SV2B: variants seen among roughly 807,000 people sequenced by gnomAD.
SV2B encodes synaptic vesicle glycoprotein 2B.
SV2B carries 41 observed loss-of-function variants against 73.9 expected under a neutral mutation model. The ratio of observed to expected loss-of-function variants is 0.56; its 90% confidence interval spans 0.43 to 0.72. SV2B has a LOEUF of 0.72. SV2B is among the 30% of genes least tolerant of loss of function. SV2B has a pLI of 0.00. For missense variants in SV2B, 764 were observed against 857.8 expected (o/e 0.89, Z 1.37); for synonymous variants, 314 against 314.2 (o/e 1.00, Z 0.01).
At position 91,267,569 on chromosome 15, in the gene SV2B, C is replaced by G. The variant is rs1168496174; in HGVS notation, c.1134C>G (p.Ala378=). 1.5e-5 allele frequency: 24 copies of G among 1,613,122 alleles called. No homozygotes were observed. Among genetic ancestry groups the G allele is most frequent in the Non-Finnish European group, 2.0e-5 (24 of 1,179,658 alleles). The part of the protein sequence containing the change: ...KTIFKQVWDN[A]LYCVMGPYRM... ...ATGGGTTGTAGGTCTGGGATAATGC[C>G]CTGTACTGTGTGATGGGGCCCTACA... The change falls in exon 8 of 13, where the codon GCC becomes GCG. Residue 378 remains alanine, a synonymous_variant. Transcript: ENST00000394232. The surrounding 1 kb of genome is among the most constrained non-coding windows in gnomAD (Gnocchi z 4.3).
intron 1 of SV2B, among the ~76,000 whole-genome samples, chr15:91,145,337 GCATAGTATTC>G (rs1319598948): frequency 6.6e-6 from 1 of 152,166 alleles, no homozygotes; most frequent in Non-Finnish European, 1.5e-5. Flanking sequence ...TTTTATGGCT[GCATAGTATTC>G]CATGGTGTAC....
chr15:91,184,813 ACT>A (rs925140165), intron 1 of SV2B, among the ~76,000 whole-genome samples: 1 of 152,076 alleles, frequency 6.6e-6, no homozygotes, highest in Non-Finnish European at 1.5e-5. Context: ...TGGTTTAAAA[ACT>A]CTAAGTCAAA....
chr15:91,113,069 C>T (rs552845501), intron 1 of SV2B, among the ~76,000 whole-genome samples: 16 of 152,250 alleles, frequency 1.1e-4, no homozygotes, highest in Middle Eastern at 3.4e-3. Context: ...TGGCCTGAAG[C>T]GGTGCTCTCA....
intron 1 of SV2B, among the ~76,000 whole-genome samples, chr15:91,221,693 GCACACA>G (rs3082137): frequency 3.6e-5 from 5 of 140,064 alleles, no homozygotes; most frequent in African/African-American, 1.1e-4. Context: ...AAGCATGTGC[GCACACA>G]CACACACACA....
In SV2B at chr15:91,106,167, C is replaced by G. The variant is rs1443446893; in HGVS notation, c.-392+5804C>G. Reference sequence around the variant, plus strand: ...AAAAGATGACATAATGAATTTTGACCTAAGCAGCTGGATGGAGTAGCACTT... The same window carrying G: ...AAAAGATGACATAATGAATTTTGACGTAAGCAGCTGGATGGAGTAGCACTT... On this transcript the variant is annotated intron_variant, in intron 1 of 12. Transcript: ENST00000394232. This position sits in a 1 kb window ranked among gnomAD's most constrained non-coding sequence, Gnocchi z 4.4. Among the ~76,000 whole-genome samples the G allele has an allele frequency of 6.6e-6, 1 of 152,096 alleles. No homozygotes were observed. Among genetic ancestry groups the G allele is most frequent in the African/African-American group, 2.4e-5 (1 of 41,406 alleles).
Position 91,226,220 on chromosome 15 carries a change from G to A in SV2B, c.-44G>A. The A allele has an allele frequency of 6.3e-7, 1 of 1,589,776 alleles. No homozygotes were observed. The highest frequency in any genetic ancestry group is 8.6e-7 in the Non-Finnish European group (1 of 1,160,736). ...AGCCCAAACCTCTACCACAGAGCGA[G>A]GGATATAGCTCAAGGGGCAACCAGG... On this transcript the variant is annotated 5_prime_UTR_variant, in exon 2 of 13. Coordinates refer to ENST00000394232, the MANE Select transcript of SV2B (RefSeq NM_001323032.3).
rs547549601 is a variant in SV2B, at chr15:91,167,109, G to A, written c.-391-58764G>A. Among the ~76,000 whole-genome samples the A allele has an allele frequency of 1.1e-4, 16 of 152,118 alleles. No individual in the cohort carries two copies. In the East Asian group the frequency reaches 1.2e-3, roughly 11 times the overall value. The stretch of plus-strand genomic sequence containing the variant: ...ATTACAGGCGTGAGCCACCGCGCCC[G>A]GCCGTATAGTTTTTATTTCTGTGCT... On this transcript the variant is annotated intron_variant, in intron 1 of 12. Coordinates refer to ENST00000394232, the MANE Select transcript of SV2B (RefSeq NM_001323032.3).
chr15:91,167,056 G>A (rs939316418), intron 1 of SV2B, among the ~76,000 whole-genome samples: 9 of 151,938 alleles, frequency 5.9e-5, no homozygotes, highest in East Asian at 5.8e-4. Flanking sequence ...CTCGTGATCC[G>A]CCTGCCTTGG....
chr15:91,180,480 G>C (rs563672333), intron 1 of SV2B, among the ~76,000 whole-genome samples: 18 of 152,252 alleles, frequency 1.2e-4, no homozygotes, highest in Non-Finnish European at 2.6e-4. Context: ...ATAATATCCT[G>C]CAGAGTGTTT....
rs528958040 is a variant in SV2B at position 91,249,949 on chromosome 15, A to G, written c.452-1870A>G. On this transcript the variant is annotated intron_variant, in intron 2 of 12. Coordinates refer to ENST00000394232, the MANE Select transcript of SV2B (RefSeq NM_001323032.3). ...CTACCACACATTTAAAGAATAAGTAATGCCAACCTTTCTCAAACTCTTCCA... is the reference window on the plus strand; with the variant it reads ...CTACCACACATTTAAAGAATAAGTAGTGCCAACCTTTCTCAAACTCTTCCA... 8.1e-4 allele frequency among the ~76,000 whole-genome samples: 124 copies of G among 152,352 alleles called. 2 individuals are homozygous for G. The highest frequency in any genetic ancestry group is 2.9e-3 in the African/African-American group (121 of 41,586).
At chr15:91,199,348 A>G (rs2285529) in intron 1 of SV2B, among the ~76,000 whole-genome samples, 108,999 of 151,952 alleles carry the variant, frequency 0.72, 39,829 homozygotes, top group African/African-American at 0.86. Flanking sequence ...GGTCTAACAG[A>G]TAGAGTAACA....
rs373935085 is a variant in SV2B at position 91,245,677 on chromosome 15, G to A, written c.452-6142G>A. 1.6e-4 allele frequency among the ~76,000 whole-genome samples: 24 copies of A among 152,214 alleles called. No homozygotes were observed. Among genetic ancestry groups the A allele is most frequent in the East Asian group, 1.3e-3 (7 of 5,188 alleles). On this transcript the variant is annotated intron_variant, in intron 2 of 12. Transcript: ENST00000394232. The surrounding 1 kb of genome is among the most constrained non-coding windows in gnomAD (Gnocchi z 4.2). ...CAAGCAAAATCAACATGGTCCCTTC[G>A]TCCAGGAGTTTACAGTCACAGGAGT...
chr15:91,165,365 T>C (rs936455437), intron 1 of SV2B, among the ~76,000 whole-genome samples: 15 of 152,158 alleles, frequency 9.9e-5, no homozygotes, highest in Non-Finnish European at 2.1e-4. Flanking sequence ...GATGGTTGTA[T>C]CAGTATTGAA....
At chr15:91,161,862 T>C (rs1322976555) in intron 1 of SV2B, among the ~76,000 whole-genome samples, 1 of 152,234 alleles carries the variant, frequency 6.6e-6, no homozygotes, top group Non-Finnish European at 1.5e-5. Context: ...GTACTCTGTG[T>C]GTCTCTCACA....
intron 1 of SV2B, among the ~76,000 whole-genome samples, chr15:91,143,875 G>GT (rs1199454703): frequency 6.6e-6 from 1 of 152,180 alleles, no homozygotes; most frequent in Admixed American, 6.5e-5. Context: ...GAGCTGCACT[G>GT]TTTTTTTCTA....
At chr15:91,183,493 G>T (rs537979069) in intron 1 of SV2B, among the ~76,000 whole-genome samples, 2 of 152,174 alleles carry the variant, frequency 1.3e-5, no homozygotes, top group African/African-American at 4.8e-5. Flanking sequence ...TTGATATCCA[G>T]CTTAAGCTGC....
intron 2 of SV2B, among the ~76,000 whole-genome samples, chr15:91,233,409 G>A (rs556798908): frequency 7.1e-4 from 108 of 152,308 alleles, no homozygotes; most frequent in Non-Finnish European, 1.3e-3. Flanking sequence ...TTCAAATGCT[G>A]CATAAAGGAT....
In SV2B at chr15:91,283,941, C is replaced by A; in HGVS notation, c.1508-80C>A. The A allele has an allele frequency of 6.8e-7, 1 of 1,474,116 alleles. No homozygotes were observed. The highest frequency in any genetic ancestry group is 9.4e-7 in the Non-Finnish European group (1 of 1,062,158). The allele number at this position is 1,474,116 out of a possible 1,614,324, so 91.3% of individuals were successfully genotyped here. On this transcript the variant is annotated intron_variant, in intron 10 of 12. Transcript: ENST00000394232. This position sits in a 1 kb window ranked among gnomAD's most constrained non-coding sequence, Gnocchi z 4.3. ...GGCACAGCCTGCCTACAGGAGGGGG[C>A]AGACTTCATCCCTGCCTCTGCCTTT...
In SV2B at chr15:91,179,538, G is replaced by A. The variant is rs184451118; in HGVS notation, c.-391-46335G>A. 8.4e-3 allele frequency among the ~76,000 whole-genome samples: 1,277 copies of A among 152,208 alleles called. 11 individuals are homozygous for A. Among genetic ancestry groups the A allele is most frequent in the Non-Finnish European group, 0.012 (822 of 68,016 alleles). On this transcript the variant is annotated intron_variant, in intron 1 of 12. Transcript: ENST00000394232. ...ATTGTGTGGGAGTCTAAGTCTCTTTGTAGTTCACTAAGGACTTGCTCTATG... is the reference window on the plus strand; with the variant it reads ...ATTGTGTGGGAGTCTAAGTCTCTTTATAGTTCACTAAGGACTTGCTCTATG...
Sources: allele counts gnomAD v4.1 joint callset (sites outside exome capture counted in the v4.1 genomes callset), GRCh38; gene constraint gnomAD v4.1.1; non-coding constraint Gnocchi (gnomAD v3.1); transcripts MANE v1.5; gene names NCBI Gene and HGNC (gene_info 2026-07-23, HGNC 2026-07-21).